GPC5: variants seen among roughly 807,000 people sequenced by gnomAD.
GPC5 encodes glypican 5, also known as glypican-5.
Under a neutral mutation model 53.9 loss-of-function variants are expected in GPC5, and 47 were observed. The ratio of observed to expected loss-of-function variants is 0.87; its 90% CI spans 0.69 to 1.11. The LOEUF is 1.11. Among genes scored for constraint, GPC5 ranks in the 50% most tolerant of loss-of-function variants. The pLI is 0.00. For synonymous variants in GPC5, 286 were observed against 263.3 expected, an observed-to-expected ratio of 1.09 and a Z score of -0.84; for missense variants, 748 against 713.1, an observed-to-expected ratio of 1.05 and a Z score of -0.56.
At chr13:92,259,838 T>G (rs2042752796) in intron 7 of GPC5, among the ~76,000 whole-genome samples, 1 of 152,230 alleles carries the variant, frequency 6.6e-6, no homozygotes, top group African/African-American at 2.4e-5. Context: ...AGATCAGAAA[T>G]TCACCCTTAG....
At chr13:92,417,586 T>C (rs972186072) in intron 7 of GPC5, among the ~76,000 whole-genome samples, 2 of 152,086 alleles carry the variant, frequency 1.3e-5, no homozygotes, top group African/African-American at 4.8e-5. Context: ...AGTAGAAAAA[T>C]TCTAGGACTG....
intron 7 of GPC5, among the ~76,000 whole-genome samples, chr13:92,541,496 T>C (rs998138432): frequency 3.8e-4 from 58 of 152,018 alleles, no homozygotes; most frequent in African/African-American, 1.4e-3. Flanking sequence ...TTCTTTTTAC[T>C]CAACTTCATT....
intron 6 of GPC5, among the ~76,000 whole-genome samples, chr13:92,077,867 A>G (rs1333257764): frequency 6.6e-6 from 1 of 152,208 alleles, no homozygotes; most frequent in Non-Finnish European, 1.5e-5. Context: ...CTAATCCCTA[A>G]ATACCCCACA....
At chr13:92,796,336 G>A (rs1415825736) in intron 7 of GPC5, among the ~76,000 whole-genome samples, 1 of 151,964 alleles carries the variant, frequency 6.6e-6, no homozygotes, top group Non-Finnish European at 1.5e-5. Context: ...CACAGGGAGG[G>A]GAACATCACA....
At chr13:92,449,379 T>C (rs949662867) in intron 7 of GPC5, among the ~76,000 whole-genome samples, 1 of 152,158 alleles carries the variant, frequency 6.6e-6, no homozygotes, top group African/African-American at 2.4e-5. Flanking sequence ...TCGAGTCACA[T>C]GGAGTAATTA....
chr13:92,846,131 A>C (rs1013600359), intron 7 of GPC5, among the ~76,000 whole-genome samples: 1 of 152,146 alleles, frequency 6.6e-6, no homozygotes, highest in Non-Finnish European at 1.5e-5. Flanking sequence ...TCATAGGAGA[A>C]GGGGAAGCAA....
intron 2 of GPC5, among the ~76,000 whole-genome samples, chr13:91,635,096 G>A (rs1341667230): frequency 6.6e-6 from 1 of 152,116 alleles, no homozygotes; most frequent in Non-Finnish European, 1.5e-5. Flanking sequence ...ACAGAGGGAA[G>A]TGATTTGGCC....
intron 7 of GPC5, among the ~76,000 whole-genome samples, chr13:92,423,045 A>G (rs138298104): frequency 6.6e-6 from 1 of 152,216 alleles, no homozygotes; most frequent in Non-Finnish European, 1.5e-5. Flanking sequence ...GTGCCAGTAC[A>G]TTGAGTGTAG....
chr13:92,041,435 C>T (rs116657230), intron 6 of GPC5, among the ~76,000 whole-genome samples: 57 of 152,262 alleles, frequency 3.7e-4, no homozygotes, highest in African/African-American at 1.2e-3. Flanking sequence ...CTGACCTTGA[C>T]GGGCAGAAGA....
At chr13:92,126,665 C>T (rs2041699854) in intron 6 of GPC5, among the ~76,000 whole-genome samples, 1 of 152,114 alleles carries the variant, frequency 6.6e-6, no homozygotes, top group Admixed American at 6.5e-5. Flanking sequence ...AAAATATTTA[C>T]TATCTGGCCC....
chr13:92,546,908 G>T (rs916648413), intron 7 of GPC5, among the ~76,000 whole-genome samples: 4 of 152,062 alleles, frequency 2.6e-5, no homozygotes, highest in African/African-American at 9.7e-5. Context: ...ACAAAAACAA[G>T]AAATGGGGAA....
chr13:92,571,385 G>A (rs755381973), intron 7 of GPC5, among the ~76,000 whole-genome samples: 28 of 152,292 alleles, frequency 1.8e-4, no homozygotes, highest in Non-Finnish European at 3.4e-4. Flanking sequence ...GTGAAAGAAG[G>A]AGCCAGGCCA....
intron 2 of GPC5, among the ~76,000 whole-genome samples, chr13:91,685,242 C>A (rs112823212): frequency 6.6e-6 from 1 of 152,130 alleles, no homozygotes; most frequent in South Asian, 2.1e-4. Flanking sequence ...GCAGTTGAGG[C>A]TGCAGTGAGC....
intron 2 of GPC5, among the ~76,000 whole-genome samples, chr13:91,689,185 ATAT>A (rs1237625099): frequency 1.4e-4 from 1 of 7,092 alleles, no homozygotes; most frequent in African/African-American, 6.9e-4. Flanking sequence ...TCATATATAA[ATAT>A]ATATATATAT....
At chr13:92,565,817 G>A (rs1465913663) in intron 7 of GPC5, among the ~76,000 whole-genome samples, 2 of 151,880 alleles carry the variant, frequency 1.3e-5, no homozygotes, top group East Asian at 1.9e-4. Context: ...TTTATATAAA[G>A]ATGATACATT....
At chr13:91,416,115 G>A (rs528118936) in intron 1 of GPC5, among the ~76,000 whole-genome samples, 1 of 151,910 alleles carries the variant, frequency 6.6e-6, no homozygotes, top group Non-Finnish European at 1.5e-5. Context: ...GAGGAAGACC[G>A]CATATCCTGA....
rs2036902869 is a variant in GPC5 at position 91,740,264 on chromosome 13, T to TTTGTAATTTGTATTTTGTATTTTG, written c.1154+11600_1154+11601insTGTAATTTGTATTTTGTATTTTGT. 3.9e-5 allele frequency among the ~76,000 whole-genome samples: 6 copies of TTTGTAATTTGTATTTTGTATTTTG among 152,312 alleles called. No homozygotes were observed. In the South Asian group the frequency reaches 8.3e-4, roughly 21 times the overall value. On this transcript the variant is annotated intron_variant, in intron 4 of 7. Coordinates refer to ENST00000377067, the MANE Select transcript of GPC5 (RefSeq NM_004466.6). The stretch of plus-strand genomic sequence containing the variant: ...AGAATGAGAGTAAGTGAAGGCAGGA[T>TTTGTAATTTGTATTTTGTATTTTG]TACAGTATCCTCTCCTTAGGATAGA...
At chr13:92,543,405 C>T (rs980690389) in intron 7 of GPC5, among the ~76,000 whole-genome samples, 3 of 142,626 alleles carry the variant, frequency 2.1e-5, no homozygotes, top group Non-Finnish European at 3.1e-5. Context: ...CAATGAGTTT[C>T]CTTAAAATAT....
chr13:91,579,815 TG>T (rs1275065978), intron 2 of GPC5, among the ~76,000 whole-genome samples: 1 of 151,466 alleles, frequency 6.6e-6, no homozygotes, highest in African/African-American at 2.4e-5. Context: ...TTAGTAAAGA[TG>T]GGGTTTCACC....
Sources: allele counts gnomAD v4.1 joint callset (sites outside exome capture counted in the v4.1 genomes callset), GRCh38; gene constraint gnomAD v4.1.1; transcripts MANE v1.5; gene names NCBI Gene and HGNC (gene_info 2026-07-23, HGNC 2026-07-21).